Variants in CCDC169 observed in about 807,000 individuals in gnomAD.
The protein encoded by CCDC169 is coiled-coil domain-containing protein 169.
CCDC169 carries 30 observed loss-of-function variants against 36.0 expected under a neutral mutation model. The ratio of observed to expected loss-of-function variants is 0.83; its 90% CI spans 0.62 to 1.13. CCDC169 has a LOEUF of 1.13. CCDC169 is among the 50% of genes most tolerant of loss of function. The pLI is 0.00. For synonymous variants in CCDC169, 85 were observed against 81.5 expected, an observed-to-expected ratio of 1.04 and a Z score of -0.23; for missense variants, 245 against 245.9, an observed-to-expected ratio of 1.00 and a Z score of 0.03.
At chr13:36,234,927 A>C (rs1008982674) in intron 7 of CCDC169, among the ~76,000 whole-genome samples, 1 of 152,114 alleles carries the variant, frequency 6.6e-6, no homozygotes, top group African/African-American at 2.4e-5. Context: ...TAAACATAAA[A>C]ATAGGATAAA....
intron 2 of CCDC169, among the ~76,000 whole-genome samples, chr13:36,292,063 A>T (rs1470905836): frequency 1.3e-5 from 2 of 148,914 alleles, no homozygotes; most frequent in African/African-American, 5.0e-5. Context: ...ATCTTTGCTC[A>T]CTGCAACCTC....
At position 36,297,710 on chromosome 13, in the gene CCDC169, C is replaced by T. The variant is rs1438479321; in HGVS notation, c.10G>A (p.Glu4Lys). The T allele has an allele frequency of 9.0e-6, 14 of 1,551,286 alleles. No individual in the cohort carries two copies. The highest frequency in any genetic ancestry group is 1.1e-5 in the Non-Finnish European group (13 of 1,146,998). The change falls in exon 1 of 8, where the codon GAG becomes AAG. Residue 4 changes from glutamate (E) to lysine (K), a missense_variant. Glu to Lys is a moderately conservative substitution (Grantham distance 56). Transcript: ENST00000239859. ...ACACCGTCGAAGTTGTAGTTTCTCT[C>T]TTCCTTCATAGTGTCAGGCCAGAGA... Reference protein sequence around the residue: MKEERNYNFDGVST... With the variant: MKEKRNYNFDGVST...
rs1046020948 is a variant in CCDC169, at chr13:36,237,419, C to G, written c.546-6127G>C. ...AAAAGATAAACAAAATGGAATTAAC[C>G]CAGCAATTCCACTTCTAGGCATGCA... On this transcript the variant is annotated intron_variant, in intron 7 of 7. Transcript: ENST00000239859. 2.6e-5 allele frequency among the ~76,000 whole-genome samples: 4 copies of G among 152,050 alleles called. No homozygotes were observed. In the South Asian group the frequency reaches 8.3e-4, roughly 32 times the overall value.
chr13:36,224,122 T>C (rs916234034), downstream of CCDC169: 1 of 152,034 alleles, frequency 6.6e-6, no homozygotes, highest in South Asian at 2.1e-4. Flanking sequence ...CACAAGGTCA[T>C]TAAGTAAAAA....
At chr13:36,239,519 T>G (rs969114990) in intron 7 of CCDC169, among the ~76,000 whole-genome samples, 1 of 152,204 alleles carries the variant, frequency 6.6e-6, no homozygotes, top group Non-Finnish European at 1.5e-5. Flanking sequence ...TATGTATTTT[T>G]CTGTCCTCAC....
In CCDC169 at chr13:36,231,166, G is replaced by A. The variant is rs1253496053; in HGVS notation, c.*27C>T. 1.3e-6 allele frequency: 2 copies of A among 1,537,620 alleles called. No homozygotes were observed. The highest frequency in any genetic ancestry group is 8.7e-7 in the Non-Finnish European group (1 of 1,143,050). On this transcript the variant is annotated 3_prime_UTR_variant, in exon 8 of 8. Transcript: ENST00000239859. ...TATTATAAATGGAAAAAAAAAGGAAGAAATAGAAATCCATCCAGTTCTGGA... is the reference window on the plus strand; with the variant it reads ...TATTATAAATGGAAAAAAAAAGGAAAAAATAGAAATCCATCCAGTTCTGGA...
intron 2 of CCDC169, among the ~76,000 whole-genome samples, chr13:36,287,700 A>G (rs1420208952): frequency 6.6e-6 from 1 of 152,232 alleles, no homozygotes; most frequent in Non-Finnish European, 1.5e-5. Flanking sequence ...AAAATTATTG[A>G]TAAAAATAGA....
intron 7 of CCDC169, among the ~76,000 whole-genome samples, chr13:36,232,317 C>G (rs1870526053): frequency 6.6e-6 from 1 of 152,174 alleles, no homozygotes; most frequent in Admixed American, 6.5e-5. Context: ...CTGGTGATTA[C>G]TTGAAAGACC....
At chr13:36,259,240 T>C (rs1189038951) in intron 4 of CCDC169, among the ~76,000 whole-genome samples, 1 of 152,116 alleles carries the variant, frequency 6.6e-6, no homozygotes, top group Non-Finnish European at 1.5e-5. Context: ...AGTCAATTGG[T>C]CCCTGTCTCC....
At chr13:36,249,600 A>G (rs1872898136) in intron 6 of CCDC169, among the ~76,000 whole-genome samples, 1 of 152,196 alleles carries the variant, frequency 6.6e-6, no homozygotes, top group Non-Finnish European at 1.5e-5. Context: ...AAGAAAGCTA[A>G]GGTGGTAGTT....
chr13:36,289,421 T>C (rs567068324), intron 2 of CCDC169, among the ~76,000 whole-genome samples: 1 of 152,362 alleles, frequency 6.6e-6, no homozygotes, highest in East Asian at 1.9e-4. Flanking sequence ...GCTTTCTTGA[T>C]AGATGTAAAT....
chr13:36,227,136 G>T, downstream of CCDC169: 1 of 1,040,902 alleles, frequency 9.6e-7, no homozygotes, highest in Admixed American at 2.9e-5. Context: ...TCCTGGGGGA[G>T]GCTTAAAGAA....
intron 7 of CCDC169, among the ~76,000 whole-genome samples, chr13:36,247,804 T>A (rs1161366901): frequency 6.6e-6 from 1 of 152,218 alleles, no homozygotes; most frequent in Non-Finnish European, 1.5e-5. Context: ...TTCTATGGAC[T>A]TGGTTGATAA....
downstream of CCDC169, chr13:36,226,387 G>C (rs543602388): frequency 2.2e-4 from 33 of 152,316 alleles, no homozygotes; most frequent in African/African-American, 5.3e-4. Context: ...CTCATAAGGA[G>C]TATGCAACCT....
At chr13:36,247,096 A>G (rs1872595311) in intron 7 of CCDC169, among the ~76,000 whole-genome samples, 1 of 152,212 alleles carries the variant, frequency 6.6e-6, no homozygotes, top group Non-Finnish European at 1.5e-5. Flanking sequence ...TATACATGAA[A>G]CAACAAAGCC....
intron 5 of CCDC169, 83 bp downstream of exon 5, chr13:36,253,957 TTTGTG>T: frequency 7.2e-6 from 11 of 1,528,854 alleles, no homozygotes; most frequent in Non-Finnish European, 7.9e-6. Context: ...AGGAAATAGT[TTTGTG>T]TTAATTATAG....
chr13:36,267,254 C>T (rs1246873481), intron 4 of CCDC169: 1 of 152,186 alleles, frequency 6.6e-6, no homozygotes, highest in Admixed American at 6.5e-5. Context: ...CACACAAATT[C>T]ATGAAGAATT....
At chr13:36,266,769 T>C (rs1875373745) in intron 4 of CCDC169, among the ~76,000 whole-genome samples, 1 of 152,202 alleles carries the variant, frequency 6.6e-6, no homozygotes, top group South Asian at 2.1e-4. Context: ...CAGGACATTT[T>C]CCAAGATCAT....
chr13:36,239,399 T>TTCTA (rs1226008315), intron 7 of CCDC169, among the ~76,000 whole-genome samples: 3 of 152,134 alleles, frequency 2.0e-5, no homozygotes, highest in Non-Finnish European at 1.5e-5. Context: ...TTGGAAACCA[T>TTCTA]TCTATGCTCC....
Sources: gnomAD v4.1 joint callset for allele counts (sites outside exome capture counted in the v4.1 genomes callset) on GRCh38, gnomAD v4.1.1 for gene constraint, MANE v1.5 for transcripts, NCBI Gene and HGNC (gene_info 2026-07-23, HGNC 2026-07-21) for gene names.